KCNH1: variants seen among roughly 807,000 people sequenced by gnomAD.
KCNH1 encodes the protein potassium voltage-gated channel subfamily H member 1.
KCNH1 carries 27 observed loss-of-function variants against 69.2 expected under a neutral mutation model. The ratio of observed to expected loss-of-function variants is 0.39; its 90% confidence interval spans 0.29 to 0.54. The LOEUF (loss-of-function observed/expected upper bound fraction) is 0.54. KCNH1 is among the 20% of genes least tolerant of loss of function. The pLI, the probability that KCNH1 is intolerant of heterozygous loss-of-function variation, is 0.68. For synonymous variants in KCNH1, 456 were observed against 487.7 expected, an observed-to-expected ratio of 0.93 and a Z score of 0.86; for missense variants, 798 against 1,261.6, an observed-to-expected ratio of 0.63 and a Z score of 5.57.
chr1:210,939,823 G>C (rs903920745), intron 6 of KCNH1, among the ~76,000 whole-genome samples: 3 of 152,150 alleles, frequency 2.0e-5, no homozygotes, highest in Non-Finnish European at 4.4e-5. Flanking sequence ...TTGCCCTATA[G>C]AGTCTACCTT....
chr1:210,808,955 A>G lies in KCNH1; in HGVS notation c.1463-4789T>C, dbSNP rs1026166118. On this transcript the variant is annotated intron_variant, in intron 7 of 10. Coordinates refer to ENST00000271751, the MANE Select transcript of KCNH1 (RefSeq NM_172362.3). Reference sequence around the variant, plus strand: ...CAGAAGGTGTTATGGATGCCTCCAAATGTGGATTCTTTGGGTCCTTCTATT... The same window carrying G: ...CAGAAGGTGTTATGGATGCCTCCAAGTGTGGATTCTTTGGGTCCTTCTATT... Among the ~76,000 whole-genome samples, 9 of 152,238 alleles carry G rather than the reference A, an allele frequency of 5.9e-5. No homozygotes were observed. The South Asian group carries it at 1.2e-3, about 21-fold the overall frequency.
In KCNH1 at chr1:210,930,802, T is replaced by C. The variant is rs7551285; in HGVS notation, c.1033-10733A>G. 5.9e-3 allele frequency among the ~76,000 whole-genome samples: 905 copies of C among 152,272 alleles called. 10 individuals are homozygous for C. The highest frequency in any genetic ancestry group is 0.021 in the African/African-American group (856 of 41,556). Reference sequence around the variant, plus strand: ...ATCTATACATCTGACAGAGGACTAATATCCAGAATCAACAAAGAACTCAAA... The same window carrying C: ...ATCTATACATCTGACAGAGGACTAACATCCAGAATCAACAAAGAACTCAAA... On this transcript the variant is annotated intron_variant, in intron 6 of 10. Coordinates refer to ENST00000271751, the MANE Select transcript of KCNH1 (RefSeq NM_172362.3).
At chr1:210,810,688 TTC>T (rs1684685588) in intron 7 of KCNH1, among the ~76,000 whole-genome samples, 1 of 152,218 alleles carries the variant, frequency 6.6e-6, no homozygotes, top group African/African-American at 2.4e-5. Flanking sequence ...TTTAATTGCA[TTC>T]TGTTTTTTCT....
At chr1:210,920,104 A>G (rs1424819038) in intron 6 of KCNH1, 35 bp from the exon 7 acceptor site, 1 of 1,589,258 alleles carries the variant, frequency 6.3e-7, no homozygotes, top group Non-Finnish European at 8.6e-7. Context: ...AGGGCCAAAG[A>G]ACCAAAGATA....
chr1:210,982,582 C>A, intron 6 of KCNH1, among the ~76,000 whole-genome samples: 1 of 152,140 alleles, frequency 6.6e-6, no homozygotes, highest in East Asian at 1.9e-4. Context: ...ATCCATGTCC[C>A]TACAAAGGAC....
At chr1:210,766,588 CA>C (rs1389224744) in intron 10 of KCNH1, among the ~76,000 whole-genome samples, 1 of 152,088 alleles carries the variant, frequency 6.6e-6, no homozygotes, top group Non-Finnish European at 1.5e-5. Flanking sequence ...GATTAAAAGA[CA>C]AGGGGCTTCA....
chr1:210,977,236 C>T (rs182474065), intron 6 of KCNH1, among the ~76,000 whole-genome samples: 4 of 152,008 alleles, frequency 2.6e-5, no homozygotes, highest in African/African-American at 7.2e-5. Context: ...TAGGTGGGAA[C>T]TGAACAATGA....
At chr1:210,706,951 C>T (rs1681927596) in intron 10 of KCNH1, among the ~76,000 whole-genome samples, 1 of 152,198 alleles carries the variant, frequency 6.6e-6, no homozygotes, top group Admixed American at 6.5e-5. Flanking sequence ...TTCTATCAGG[C>T]ATCACACCGA....
intron 6 of KCNH1, among the ~76,000 whole-genome samples, chr1:211,014,061 C>T (rs1571578921): frequency 6.6e-6 from 1 of 152,186 alleles, no homozygotes; most frequent in African/African-American, 2.4e-5. Context: ...GTGCTGCTGT[C>T]TGAGGTTACA....
At chr1:210,853,416 T>C (rs1408955005) in intron 7 of KCNH1, among the ~76,000 whole-genome samples, 4 of 152,202 alleles carry the variant, frequency 2.6e-5, no homozygotes. Context: ...CTGAGGCAGA[T>C]GATAAACAGA....
chr1:210,711,110 GC>G (rs1435971157), intron 10 of KCNH1, among the ~76,000 whole-genome samples: 1 of 152,094 alleles, frequency 6.6e-6, no homozygotes, highest in Non-Finnish European at 1.5e-5. Context: ...ACAGATCTTG[GC>G]CCATGAAATT....
intron 7 of KCNH1, among the ~76,000 whole-genome samples, chr1:210,867,686 AC>A (rs1686145485): frequency 2.0e-5 from 3 of 151,972 alleles, no homozygotes; most frequent in African/African-American, 7.2e-5. Context: ...AAAATGCCCA[AC>A]CCTAGGCAAC....
At chr1:210,759,182 T>TA (rs1683461872) in intron 10 of KCNH1, among the ~76,000 whole-genome samples, 1 of 104,862 alleles carries the variant, frequency 9.5e-6, no homozygotes, top group Non-Finnish European at 1.9e-5. Context: ...CACACATATT[T>TA]TATATATATA....
At chr1:210,948,194 C>T (rs1687994915) in intron 6 of KCNH1, among the ~76,000 whole-genome samples, 1 of 149,796 alleles carries the variant, frequency 6.7e-6, no homozygotes, top group African/African-American at 2.5e-5. Flanking sequence ...GAGTAAGACC[C>T]TGTCTCTTTA....
intron 3 of KCNH1, among the ~76,000 whole-genome samples, chr1:211,092,203 T>A (rs1210495216): frequency 6.6e-6 from 1 of 152,166 alleles, no homozygotes; most frequent in African/African-American, 2.4e-5. Flanking sequence ...GAGACGAAAA[T>A]AGATCCTCAA....
chr1:210,887,223 A>T (rs1436252604), intron 7 of KCNH1, among the ~76,000 whole-genome samples: 11 of 152,208 alleles, frequency 7.2e-5, no homozygotes. Flanking sequence ...AAGCTAGAAG[A>T]GAGTGGGGTA....
intron 1 of KCNH1, among the ~76,000 whole-genome samples, chr1:211,115,977 T>G (rs1691572622): frequency 6.6e-6 from 1 of 151,664 alleles, no homozygotes; most frequent in East Asian, 1.9e-4. Context: ...CAATAAAAAC[T>G]TTTTAAAAAT....
intron 5 of KCNH1, among the ~76,000 whole-genome samples, chr1:211,068,966 G>A (rs1172491901): frequency 1.3e-5 from 2 of 152,316 alleles, no homozygotes; most frequent in African/African-American, 4.8e-5. Flanking sequence ...TTACCTCCAG[G>A]AACTATCCAG....
intron 5 of KCNH1, among the ~76,000 whole-genome samples, chr1:211,023,682 C>T (rs975498897): frequency 6.6e-6 from 1 of 151,806 alleles, no homozygotes; most frequent in Non-Finnish European, 1.5e-5. Context: ...GATAGGGAAG[C>T]GTTGGTTAAT....
Sources: gnomAD v4.1 joint callset for allele counts (sites outside exome capture counted in the v4.1 genomes callset) on GRCh38, gnomAD v4.1.1 for gene constraint, MANE v1.5 for transcripts, NCBI Gene and HGNC (gene_info 2026-07-23, HGNC 2026-07-21) for gene names.